The following BAZ2A variants were observed in gnomAD, a reference collection of about 807,000 sequenced individuals.
BAZ2A encodes bromodomain adjacent to zinc finger domain protein 2A.
BAZ2A carries 34 observed loss-of-function variants against 199.9 expected under a neutral mutation model. That is an observed-to-expected ratio of 0.17 (90% CI 0.13 to 0.23). The LOEUF (loss-of-function observed/expected upper bound fraction) is 0.23, where lower values mean the gene tolerates loss of function less well. Ranked by LOEUF, BAZ2A falls within the 10% of genes least tolerant of loss-of-function variation. The pLI is 1.00. For synonymous variants in BAZ2A, 857 were observed against 883.9 expected, an observed-to-expected ratio of 0.97 and a Z score of 0.54; for missense variants, 2,002 against 2,391.1, an observed-to-expected ratio of 0.84 and a Z score of 3.39.
chr12:56,633,070 TG>T (rs1405280729), upstream of BAZ2A, among the ~76,000 whole-genome samples: 5 of 152,116 alleles, frequency 3.3e-5, no homozygotes, highest in Non-Finnish European at 5.9e-5. Flanking sequence ...GGGAATAGGC[TG>T]AACCTCCCTC....
upstream of BAZ2A, chr12:56,630,762 A>T (rs1186750476): frequency 1.0e-6 from 1 of 984,500 alleles, no homozygotes; most frequent in Non-Finnish European, 1.2e-6. Flanking sequence ...GGCAAGAGTC[A>T]GCCACCCACT....
At chr12:56,613,786 A>G (rs1383517520) in intron 4 of BAZ2A, among the ~76,000 whole-genome samples, 167 bp downstream of exon 4, 1 of 152,196 alleles carries the variant, frequency 6.6e-6, no homozygotes, top group South Asian at 2.1e-4. Flanking sequence ...CTCAGAATTC[A>G]GTTAGGGCAC....
intron 24 of BAZ2A, 26 bp downstream of exon 24, chr12:56,600,175 A>T (rs563587441): frequency 1.6e-5 from 25 of 1,612,306 alleles, no homozygotes; most frequent in African/African-American, 1.5e-4. Context: ...CTCCAAGACC[A>T]AGAATGGAGG....
At chr12:56,608,930 G>A (rs1950465181) in intron 10 of BAZ2A, among the ~76,000 whole-genome samples, 1 of 135,332 alleles carries the variant, frequency 7.4e-6, no homozygotes, top group Admixed American at 7.9e-5. Flanking sequence ...CTGGAGTGCA[G>A]TGGCGCAATC....
intron 1 of BAZ2A, among the ~76,000 whole-genome samples, chr12:56,619,456 C>T (rs1412119795): frequency 2.0e-5 from 3 of 147,516 alleles, no homozygotes; most frequent in African/African-American, 7.6e-5. Flanking sequence ...CTGCAGTGAA[C>T]CATGATCATG....
chr12:56,634,953 G>A (rs1951411734), upstream of BAZ2A: 39 of 985,136 alleles, frequency 4.0e-5, no homozygotes, highest in Non-Finnish European at 4.7e-5. Context: ...ACCTGGAGCA[G>A]GGCCGGGCCG....
At chr12:56,615,973 G>A (rs557136867) in intron 2 of BAZ2A, among the ~76,000 whole-genome samples, 185 of 152,140 alleles carry the variant, frequency 1.2e-3, no homozygotes, top group African/African-American at 4.4e-3. Context: ...GTGCAATCTC[G>A]ACCCACGGCA....
upstream of BAZ2A, chr12:56,630,945 T>A: frequency 1.2e-6 from 1 of 813,068 alleles, no homozygotes; most frequent in Non-Finnish European, 1.5e-6. Context: ...GTCAGAGAAG[T>A]AAAGGATAAG....
chr12:56,603,614 G>A lies in BAZ2A; in HGVS notation c.3125C>T (p.Ser1042Phe), dbSNP rs367717086. The A allele has an allele frequency of 3.1e-6, 5 of 1,613,872 alleles. No homozygotes were observed. Among genetic ancestry groups the A allele is most frequent in the Non-Finnish European group, 4.2e-6 (5 of 1,179,908 alleles). ...GCCACTGGTCTCCTCCATGATCCGA[G>A]AACTGCGCCTCCGTCCCAGGCATTC... ...PEECLGRRRS[S>F]RIMEETSGME... Residue 1042 changes from serine (S) to phenylalanine (F), a missense_variant, in exon 17 of 29, where the codon TCT (serine) becomes TTT (phenylalanine). Transcript: ENST00000549884.
upstream of BAZ2A, chr12:56,636,383 G>T: frequency 1.4e-6 from 2 of 1,382,836 alleles, no homozygotes; most frequent in African/African-American, 1.5e-5. Context: ...ACAGACTGGG[G>T]TGGGGAGGGA....
chr12:56,638,259 A>G, upstream of BAZ2A: 1 of 1,384,468 alleles, frequency 7.2e-7, no homozygotes, highest in Non-Finnish European at 1.0e-6. Flanking sequence ...TGCAGCCTAC[A>G]CAGAAAAATG....
chr12:56,630,165 C>T lies in BAZ2A; in HGVS notation c.-43G>A. The T allele has an allele frequency of 2.0e-6, 2 of 985,634 alleles. No individual in the cohort carries two copies. Among genetic ancestry groups the T allele is most frequent in the South Asian group, 4.7e-5 (1 of 21,290 alleles). 61.1% of individuals were successfully genotyped at this position (985,634 alleles called of 1,614,324 possible). A position where few individuals can be genotyped will look rare whatever the true frequency, so the allele number is the denominator to read the frequency against. On this transcript the variant is annotated 5_prime_UTR_variant, in exon 1 of 29. Transcript: ENST00000549884. The stretch of plus-strand genomic sequence containing the variant: ...CCAGCCGGGCTCGGGGCTCGTCTCT[C>T]CCCGGGGTACAAGCGGTTCACATGG...
At chr12:56,610,540 C>T in intron 7 of BAZ2A, 23 bp from the exon 8 acceptor site, 2 of 1,598,028 alleles carry the variant, frequency 1.3e-6, no homozygotes, top group Non-Finnish European at 1.7e-6. Flanking sequence ...CACATGGGCC[C>T]TGCCGCCAGG....
intron 10 of BAZ2A, among the ~76,000 whole-genome samples, chr12:56,608,978 A>G (rs749214804): frequency 1.4e-4 from 21 of 144,996 alleles, no homozygotes; most frequent in Admixed American, 6.5e-4. Context: ...GGTTCAAGCT[A>G]TTCTCCTGCC....
chr12:56,603,550 G>C lies in BAZ2A; in HGVS notation c.3189C>G (p.Val1063=). 6.2e-7 allele frequency: 1 copy of C among 1,614,032 alleles called. No homozygotes were observed. The highest frequency in any genetic ancestry group is 8.5e-7 in the Non-Finnish European group (1 of 1,179,906). ...EEEEEESIAA[V]PGRRGRRDGE... is the part of the protein sequence containing the mutation. ...CATCTCTTCGACCCCTGCGGCCAGGGACAGCTGCTATAGACTCCTCTTCTT... is the reference window on the plus strand; with the variant it reads ...CATCTCTTCGACCCCTGCGGCCAGGCACAGCTGCTATAGACTCCTCTTCTT... Residue 1063 remains valine (V), a synonymous_variant, in exon 17 of 29, where the codon GTC becomes GTG. Coordinates refer to ENST00000549884, the MANE Select transcript of BAZ2A (RefSeq NM_001300905.2).
At chr12:56,624,832 G>C (rs1328278761) in intron 1 of BAZ2A, among the ~76,000 whole-genome samples, 1 of 152,118 alleles carries the variant, frequency 6.6e-6, no homozygotes, top group Non-Finnish European at 1.5e-5. Flanking sequence ...TGAGGTGGGA[G>C]GATTATTTGA....
Position 56,596,020 on chromosome 12 carries a change from T to C in BAZ2A, c.*2598A>G, listed in dbSNP as rs1387355641. On this transcript the variant is annotated 3_prime_UTR_variant, in exon 29 of 29. Coordinates refer to ENST00000549884, the MANE Select transcript of BAZ2A (RefSeq NM_001300905.2). ...GAACATCACATGGCAAAAACAGGAG[T>C]TTTTTCGCTAGACTTTTTTTTTCTT... The C allele has an allele frequency of 2.0e-5, 3 of 152,596 alleles. No individual in the cohort carries two copies. Among genetic ancestry groups the C allele is most frequent in the Non-Finnish European group, 4.4e-5 (3 of 68,042 alleles). The allele number at this position is 152,596 out of a possible 1,614,324, so 9.5% of individuals were successfully genotyped here. A position where few individuals can be genotyped will look rare whatever the true frequency, so the allele number is the denominator to read the frequency against.
In BAZ2A at chr12:56,611,962, C is replaced by G; in HGVS notation, c.1420G>C (p.Val474Leu). The G allele has an allele frequency of 6.2e-7, 1 of 1,613,178 alleles. No individual in the cohort carries two copies. Among genetic ancestry groups the G allele is most frequent in the Admixed American group, 1.7e-5 (1 of 59,878 alleles). The change falls in exon 6 of 29, where the codon GTC becomes CTC. Residue 474 changes from valine (V) to leucine (L), a missense_variant. Around this residue, in one of 6 missense-constraint regions of BAZ2A, gnomAD observed 641 missense variants for 694.5 expected, o/e 0.92. Transcript: ENST00000549884. Reference protein sequence around the residue: ...FSVVSPASSAVLPAVSLEVPL... With the variant: ...FSVVSPASSALLPAVSLEVPL... ...ACTTCTAAGGAGACTGCTGGGAGGA[C>G]TGCTGAGGAAGCTGGAGAGACCACT... is the stretch of plus-strand genomic sequence containing the variant.
At chr12:56,631,288 T>C (rs940551091), upstream of BAZ2A, among the ~76,000 whole-genome samples, 4 of 151,758 alleles carry the variant, frequency 2.6e-5, no homozygotes, top group African/African-American at 9.7e-5. Context: ...CGGTCTCTAC[T>C]AAAAATACAA....
Sources: gnomAD v4.1 joint callset for allele counts (sites outside exome capture counted in the v4.1 genomes callset) on GRCh38, gnomAD v4.1.1 for gene constraint, gnomAD v4.1.1 regional missense constraint, MANE v1.5 for transcripts, NCBI Gene and HGNC (gene_info 2026-07-23, HGNC 2026-07-21) for gene names.